The following PLCXD3 variants were observed in gnomAD, a reference collection of about 807,000 sequenced individuals.
PLCXD3 encodes phosphatidylinositol specific phospholipase C X domain containing 3.
A neutral mutation model predicts 25.5 loss-of-function variants in PLCXD3; 19 were observed. The ratio of observed to expected loss-of-function variants is 0.75; its 90% CI spans 0.52 to 1.09. The LOEUF is 1.09. Among genes scored for constraint, PLCXD3 ranks in the 50% least tolerant of loss-of-function variants. The pLI, the probability that PLCXD3 is intolerant of heterozygous loss-of-function variation, is 0.00. For synonymous variants in PLCXD3, 174 were observed against 137.6 expected (o/e 1.26, Z -1.85); for missense variants, 411 against 388.1 (o/e 1.06, Z -0.50).
chr5:41,407,385 GA>G (rs550339948), intron 1 of PLCXD3, among the ~76,000 whole-genome samples: 17 of 151,744 alleles, frequency 1.1e-4, no homozygotes, highest in African/African-American at 2.7e-4. Context: ...AACATGACAA[GA>G]AAAAAAAATT....
At chr5:41,389,181 G>A (rs1186365000) in intron 1 of PLCXD3, among the ~76,000 whole-genome samples, 1 of 152,042 alleles carries the variant, frequency 6.6e-6, no homozygotes, top group Non-Finnish European at 1.5e-5. Context: ...GCCTATTGAT[G>A]TGCTGGTGAT....
chr5:41,375,390 C>G (rs1224189610), intron 2 of PLCXD3, among the ~76,000 whole-genome samples: 2 of 152,068 alleles, frequency 1.3e-5, no homozygotes, highest in East Asian at 3.9e-4. Context: ...TGGCCTTATC[C>G]CTCTCTGGGG....
chr5:41,410,065 A>C (rs1224695439), intron 1 of PLCXD3, among the ~76,000 whole-genome samples: 1 of 152,210 alleles, frequency 6.6e-6, no homozygotes, highest in Non-Finnish European at 1.5e-5. Context: ...GAACTAACTC[A>C]AAGAAAATAC....
chr5:41,358,074 T>C (rs994262029), intron 2 of PLCXD3, among the ~76,000 whole-genome samples: 1 of 152,222 alleles, frequency 6.6e-6, no homozygotes. Context: ...AAAGCTAACA[T>C]TTATTGATCA....
At chr5:41,435,376 CA>C (rs554452660) in intron 1 of PLCXD3, among the ~76,000 whole-genome samples, 2 of 151,826 alleles carry the variant, frequency 1.3e-5, no homozygotes, top group Admixed American at 6.6e-5. Context: ...TCAGAGTATG[CA>C]AAAAAAAGTC....
intron 1 of PLCXD3, among the ~76,000 whole-genome samples, chr5:41,489,113 G>T (rs1748589664): frequency 6.6e-6 from 1 of 152,130 alleles, no homozygotes; most frequent in Non-Finnish European, 1.5e-5. Context: ...TGTATAAGGT[G>T]TAAGGAAGGG....
intron 1 of PLCXD3, among the ~76,000 whole-genome samples, chr5:41,387,772 A>G (rs548232023): frequency 5.0e-4 from 76 of 152,294 alleles, no homozygotes; most frequent in Middle Eastern, 3.4e-3. Context: ...AGCACCTGCT[A>G]TAAGTGCTGT....
chr5:41,502,549 T>G lies in PLCXD3; in HGVS notation c.103+7875A>C, dbSNP rs1192991269. 5.3e-5 allele frequency among the ~76,000 whole-genome samples: 8 copies of G among 152,150 alleles called. No homozygotes were observed. The South Asian group carries it at 1.7e-3, about 32-fold the overall frequency. ...TAGGAAGAAGGTGTTGATTTGAGAATCAAGAAGAGGTAAAAAATTCTCATC... is the reference window on the plus strand; with the variant it reads ...TAGGAAGAAGGTGTTGATTTGAGAAGCAAGAAGAGGTAAAAAATTCTCATC... On this transcript the variant is annotated intron_variant, in intron 1 of 2. Coordinates refer to ENST00000377801, the MANE Select transcript of PLCXD3 (RefSeq NM_001005473.3).
chr5:41,452,879 T>C (rs1747667843), intron 1 of PLCXD3, among the ~76,000 whole-genome samples: 1 of 152,078 alleles, frequency 6.6e-6, no homozygotes, highest in Non-Finnish European at 1.5e-5. Context: ...CTTCGTTTTA[T>C]TTTTAATTTA....
intron 1 of PLCXD3, among the ~76,000 whole-genome samples, chr5:41,417,800 C>G (rs1746727737): frequency 6.6e-6 from 1 of 152,122 alleles, no homozygotes; most frequent in African/African-American, 2.4e-5. Context: ...CAAGGATATC[C>G]CAGGAGGGCA....
intron 1 of PLCXD3, among the ~76,000 whole-genome samples, chr5:41,438,927 A>C (rs1413183458): frequency 1.3e-5 from 2 of 152,166 alleles, no homozygotes; most frequent in African/African-American, 4.8e-5. Context: ...CTTTACATGT[A>C]TTTTTTCCTA....
intron 1 of PLCXD3, among the ~76,000 whole-genome samples, chr5:41,385,043 A>G (rs1309909703): frequency 1.3e-5 from 2 of 152,158 alleles, no homozygotes; most frequent in Non-Finnish European, 2.9e-5. Context: ...GAATATTTTG[A>G]TGACTTTTAA....
At chr5:41,340,586 T>C (rs893045939) in intron 2 of PLCXD3, among the ~76,000 whole-genome samples, 1 of 152,134 alleles carries the variant, frequency 6.6e-6, no homozygotes, top group African/African-American at 2.4e-5. Flanking sequence ...TGGTCTCTGA[T>C]GACTGCGTGC....
At chr5:41,479,994 A>G (rs1379444664) in intron 1 of PLCXD3, among the ~76,000 whole-genome samples, 1 of 152,130 alleles carries the variant, frequency 6.6e-6, no homozygotes, top group Non-Finnish European at 1.5e-5. Context: ...CTTTCATTTA[A>G]TTTTCTATTA....
At position 41,489,070 on chromosome 5, in the gene PLCXD3, G is replaced by A. The variant is rs200576161; in HGVS notation, c.103+21354C>T. The stretch of plus-strand genomic sequence containing the variant: ...GGGTTTTTATGGTTTTAGGTCTAAC[G>A]TTTAAGTCTTTAACCCACCTTGAAT... On this transcript the variant is annotated intron_variant, in intron 1 of 2. Coordinates refer to ENST00000377801, the MANE Select transcript of PLCXD3 (RefSeq NM_001005473.3). Among the ~76,000 whole-genome samples the A allele has an allele frequency of 5.4e-3, 825 of 152,238 alleles. 6 individuals are homozygous for A. The highest frequency in any genetic ancestry group is 8.7e-3 in the East Asian group (45 of 5,190).
chr5:41,488,119 C>A (rs1248240497), intron 1 of PLCXD3, among the ~76,000 whole-genome samples: 2 of 145,766 alleles, frequency 1.4e-5, no homozygotes, highest in Non-Finnish European at 3.0e-5. Flanking sequence ...GTTCCCCTTC[C>A]TGTGTCCATG....
chr5:41,390,750 A>G (rs1475486113), intron 1 of PLCXD3, among the ~76,000 whole-genome samples: 2 of 152,198 alleles, frequency 1.3e-5, no homozygotes, highest in Non-Finnish European at 2.9e-5. Flanking sequence ...TTCATAAGGA[A>G]CAAAAATCAG....
chr5:41,413,618 C>T (rs372420003), intron 1 of PLCXD3, among the ~76,000 whole-genome samples: 5 of 152,212 alleles, frequency 3.3e-5, no homozygotes, highest in African/African-American at 9.6e-5. Flanking sequence ...AGTCAATGTG[C>T]TTGAATTACA....
intron 1 of PLCXD3, among the ~76,000 whole-genome samples, chr5:41,509,178 C>G (rs1455342182): frequency 6.6e-6 from 1 of 151,700 alleles, no homozygotes; most frequent in Non-Finnish European, 1.5e-5. Flanking sequence ...TTGTTTTTTT[C>G]TTTATTATGT....
Sources: gnomAD v4.1 joint callset for allele counts (sites outside exome capture counted in the v4.1 genomes callset) on GRCh38, gnomAD v4.1.1 for gene constraint, MANE v1.5 for transcripts, NCBI Gene and HGNC (gene_info 2026-07-23, HGNC 2026-07-21) for gene names.